The following OXR1 variants were observed in gnomAD, a reference collection of about 807,000 sequenced individuals.
OXR1 encodes the protein oxidation resistance protein 1.
Under a neutral mutation model 104.6 loss-of-function variants are expected in OXR1, and 41 were observed. The ratio of observed to expected loss-of-function variants is 0.39; its 90% CI spans 0.31 to 0.51. The LOEUF (loss-of-function observed/expected upper bound fraction) is 0.51. Among genes scored for constraint, OXR1 ranks in the 20% least tolerant of loss-of-function variants. OXR1 has a pLI of 0.77. For missense variants in OXR1, 955 were observed against 1,031.9 expected (o/e 0.93, Z 1.02); for synonymous variants, 348 against 348.4 (o/e 1.00, Z 0.01).
intron 6 of OXR1, 55 bp downstream of exon 6, chr8:106,684,414 T>C (rs1278087431): frequency 2.4e-6 from 2 of 838,164 alleles, no homozygotes; most frequent in East Asian, 2.4e-5. Flanking sequence ...TTTGTCTACA[T>C]TGACTGTCTT....
intron 3 of OXR1, among the ~76,000 whole-genome samples, chr8:106,604,183 C>A (rs1410986228): frequency 6.6e-6 from 1 of 152,162 alleles, no homozygotes; most frequent in Non-Finnish European, 1.5e-5. Flanking sequence ...GGCCACAAAC[C>A]AAGTATACTT....
chr8:106,618,085 C>T, intron 3 of OXR1: 1 of 1,535,748 alleles, frequency 6.5e-7, no homozygotes, highest in Non-Finnish European at 8.7e-7. Flanking sequence ...CTGAGAAGCA[C>T]AGGAATCAAA....
At chr8:106,500,054 T>C (rs1028433786) in intron 2 of OXR1, among the ~76,000 whole-genome samples, 3 of 152,262 alleles carry the variant, frequency 2.0e-5, no homozygotes, top group African/African-American at 7.2e-5. Flanking sequence ...GGCTGTATGC[T>C]GTATGGATTT....
chr8:106,563,594 A>G (rs1380748295), intron 3 of OXR1, among the ~76,000 whole-genome samples: 1 of 152,200 alleles, frequency 6.6e-6, no homozygotes, highest in Non-Finnish European at 1.5e-5. Flanking sequence ...ACAGAAAATT[A>G]GCAAGGATGT....
At chr8:106,725,111 A>G (rs1833200327) in intron 11 of OXR1, among the ~76,000 whole-genome samples, 1 of 152,060 alleles carries the variant, frequency 6.6e-6, no homozygotes, top group Non-Finnish European at 1.5e-5. Flanking sequence ...CCTATGAGGG[A>G]CTGTGGGAGA....
intron 11 of OXR1, among the ~76,000 whole-genome samples, chr8:106,721,513 T>C (rs1291552615): frequency 6.6e-6 from 1 of 152,144 alleles, no homozygotes; most frequent in Non-Finnish European, 1.5e-5. Flanking sequence ...TTGAATAAAA[T>C]TGCTCTGGCT....
At chr8:106,687,165 G>A (rs1004525862) in intron 6 of OXR1, among the ~76,000 whole-genome samples, 1 of 152,090 alleles carries the variant, frequency 6.6e-6, no homozygotes, top group South Asian at 2.1e-4. Flanking sequence ...AGAAGATAAG[G>A]GGGAAGGAAA....
chr8:106,617,437 A>G (rs1055459050), intron 3 of OXR1, among the ~76,000 whole-genome samples: 7 of 152,180 alleles, frequency 4.6e-5, no homozygotes, highest in African/African-American at 9.6e-5. Flanking sequence ...TCAAAAAAAA[A>G]GGGGGGTGGG....
At chr8:106,432,154 C>A (rs1299133120) in intron 2 of OXR1, among the ~76,000 whole-genome samples, 1 of 152,200 alleles carries the variant, frequency 6.6e-6, no homozygotes, top group Non-Finnish European at 1.5e-5. Context: ...CATCCCCGAT[C>A]TTTTCTCAGA....
chr8:106,410,480 A>C (rs979276714), intron 2 of OXR1, among the ~76,000 whole-genome samples: 1 of 152,194 alleles, frequency 6.6e-6, no homozygotes, highest in African/African-American at 2.4e-5. Flanking sequence ...TCATTAGTAC[A>C]AACTCAACCT....
chr8:106,340,236 C>G (rs888453475), intron 1 of OXR1, among the ~76,000 whole-genome samples: 1 of 145,972 alleles, frequency 6.9e-6, no homozygotes, highest in South Asian at 2.1e-4. Flanking sequence ...AAAAAAAAAA[C>G]CTTCTGACTT....
chr8:106,582,582 T>C (rs1302025268), intron 3 of OXR1, among the ~76,000 whole-genome samples: 3 of 152,148 alleles, frequency 2.0e-5, no homozygotes, highest in Non-Finnish European at 4.4e-5. Flanking sequence ...TCTTTGTTAA[T>C]GTTAAAGAGA....
At chr8:106,312,415 A>G (rs903956020) in intron 1 of OXR1, among the ~76,000 whole-genome samples, 1 of 152,212 alleles carries the variant, frequency 6.6e-6, no homozygotes, top group Non-Finnish European at 1.5e-5. Flanking sequence ...AACGAGGCAG[A>G]AGCCACAGTG....
intron 9 of OXR1, 96 bp downstream of exon 9, chr8:106,707,241 C>G: frequency 9.6e-7 from 1 of 1,043,148 alleles, no homozygotes; most frequent in African/African-American, 1.6e-5. Context: ...TTAGGGCAAC[C>G]TGAAGGATAA....
At chr8:106,446,510 C>T (rs1351678537) in intron 2 of OXR1, among the ~76,000 whole-genome samples, 1 of 151,650 alleles carries the variant, frequency 6.6e-6, no homozygotes, top group East Asian at 1.9e-4. Context: ...CCCAACTTCT[C>T]AGGAGGCTGA....
chr8:106,514,754 G>A (rs1812753267), intron 2 of OXR1, among the ~76,000 whole-genome samples: 1 of 151,980 alleles, frequency 6.6e-6, no homozygotes, highest in South Asian at 2.1e-4. Flanking sequence ...TCTAAAATGG[G>A]CCAATGTAAA....
intron 2 of OXR1, among the ~76,000 whole-genome samples, chr8:106,397,388 AC>A (rs1817823013): frequency 6.6e-6 from 1 of 152,074 alleles, no homozygotes; most frequent in Non-Finnish European, 1.5e-5. Context: ...AAGGAGCCTT[AC>A]TTTTTTACTG....
At chr8:106,739,224 C>T (rs1259377554) in intron 12 of OXR1, among the ~76,000 whole-genome samples, 1 of 152,028 alleles carries the variant, frequency 6.6e-6, no homozygotes, top group Non-Finnish European at 1.5e-5. Flanking sequence ...TCCTACCAGT[C>T]GTTCCTCATG....
Position 106,750,827 on chromosome 8 carries a change from T to C in OXR1, c.2508T>C (p.Leu836=). The C allele has an allele frequency of 6.2e-7, 1 of 1,604,378 alleles. No homozygotes were observed. Among genetic ancestry groups the C allele is most frequent in the Non-Finnish European group, 8.5e-7 (1 of 1,175,628 alleles). ...GGGGGEFALW[L]DGDLYHGRSH... is the part of the protein sequence containing the mutation. ...GCAGAGGAGAATTTGCGCTTTGGCT[T>C]GATGGAGATCTCTACCATGGAAGAA... Residue 836 remains leucine, a synonymous_variant, in exon 17 of 17, where the codon CTT becomes CTC. Coordinates refer to ENST00000517566, the MANE Select transcript of OXR1 (RefSeq NM_001198533.2).
Sources: allele counts gnomAD v4.1 joint callset (sites outside exome capture counted in the v4.1 genomes callset), GRCh38; gene constraint gnomAD v4.1.1; transcripts MANE v1.5; gene names NCBI Gene and HGNC (gene_info 2026-07-23, HGNC 2026-07-21).